Variants in CACNA1C observed in about 807,000 individuals in gnomAD.
CACNA1C encodes the protein voltage-dependent L-type calcium channel subunit alpha-1C.
Under a neutral mutation model 229.0 loss-of-function variants are expected in CACNA1C, and 30 were observed. The ratio of observed to expected loss-of-function variants is 0.13; its 90% CI spans 0.10 to 0.18. CACNA1C has a LOEUF of 0.18. Among genes scored for constraint, CACNA1C ranks in the 10% least tolerant of loss-of-function variants. The pLI is 1.00. For missense variants in CACNA1C, 1,658 were observed against 2,845.0 expected (o/e 0.58, Z 9.49); for synonymous variants, 1,114 against 1,132.5 (o/e 0.98, Z 0.33).
chr12:2,339,174 T>C (rs907158297), intron 3 of CACNA1C, among the ~76,000 whole-genome samples: 2 of 152,256 alleles, frequency 1.3e-5, no homozygotes, highest in Admixed American at 1.3e-4. Context: ...GCGTAGCCCA[T>C]CGTTCCTTGG....
At chr12:2,594,660 A>G (rs957695313) in intron 19 of CACNA1C, among the ~76,000 whole-genome samples, 3 of 152,212 alleles carry the variant, frequency 2.0e-5, no homozygotes, top group African/African-American at 7.2e-5. Context: ...AATATTTCCA[A>G]TACCTCCAGT....
chr12:2,435,339 G>A (rs1401667081), intron 3 of CACNA1C, among the ~76,000 whole-genome samples: 3 of 152,226 alleles, frequency 2.0e-5, no homozygotes, highest in African/African-American at 4.8e-5. Context: ...AATCTGTGTT[G>A]TAATTTGTCC....
chr12:2,338,949 A>G (rs1242842448), intron 3 of CACNA1C, among the ~76,000 whole-genome samples: 2 of 152,236 alleles, frequency 1.3e-5, no homozygotes, highest in Non-Finnish European at 2.9e-5. Context: ...ATTGTTTTAT[A>G]GGAAAAATGC....
In CACNA1C at chr12:2,056,051, C is replaced by G. The variant is rs111280980; in HGVS notation, c.49+2440C>G. On this transcript the variant is annotated intron_variant, in intron 1 of 46. Transcript: ENST00000399655. The stretch of plus-strand genomic sequence containing the variant: ...TGCCTCAGAAGATCAGTAATGGTGA[C>G]GAAACAAAGAGTCGAGAACCAAAAA... Among the ~76,000 whole-genome samples, 1,408 of 152,212 alleles carry G rather than the reference C, an allele frequency of 9.3e-3. 25 individuals carry two copies. The highest frequency in any genetic ancestry group is 0.031 in the African/African-American group (1,301 of 41,518).
At chr12:2,237,146 T>C (rs765441509) in intron 3 of CACNA1C, among the ~76,000 whole-genome samples, 2 of 152,238 alleles carry the variant, frequency 1.3e-5, no homozygotes, top group African/African-American at 2.4e-5. Flanking sequence ...CCTTATCACA[T>C]GGTGCCCTTG....
chr12:2,614,593 T>G (rs1481907836), intron 29 of CACNA1C: 1 of 152,240 alleles, frequency 6.6e-6, no homozygotes, highest in Non-Finnish European at 1.5e-5. Context: ...AACCATGACC[T>G]GAATCCATGA....
chr12:2,012,276 G>C (rs1333358994), intron 1 of CACNA1C, among the ~76,000 whole-genome samples: 1 of 152,036 alleles, frequency 6.6e-6, no homozygotes, highest in Non-Finnish European at 1.5e-5. Flanking sequence ...TTCCTTACCC[G>C]GTCCCTCAAG....
At chr12:2,106,675 G>A (rs71435032) in intron 1 of CACNA1C, among the ~76,000 whole-genome samples, 5,600 of 25,814 alleles carry the variant, frequency 0.22, 1,158 homozygotes, top group Non-Finnish European at 0.29. Flanking sequence ...CAGCTGGGGC[G>A]TCCTGAAGCC....
chr12:2,268,140 C>T (rs539018907), intron 3 of CACNA1C, among the ~76,000 whole-genome samples: 1 of 152,138 alleles, frequency 6.6e-6, no homozygotes, highest in Non-Finnish European at 1.5e-5. Flanking sequence ...CAAACCTTGA[C>T]TGGCTCCAAA....
chr12:2,022,034 C>T (rs1488718824), intron 1 of CACNA1C, among the ~76,000 whole-genome samples: 3 of 152,150 alleles, frequency 2.0e-5, no homozygotes, highest in African/African-American at 7.2e-5. Flanking sequence ...AATGGATTCC[C>T]AGCCAGGGCC....
chr12:2,293,740 A>T (rs2093735543), intron 3 of CACNA1C, among the ~76,000 whole-genome samples: 1 of 152,106 alleles, frequency 6.6e-6, no homozygotes, highest in African/African-American at 2.4e-5. Flanking sequence ...ATTCTTTTTC[A>T]TATGTATGTA....
At chr12:2,498,102 A>G (rs756964086) in intron 7 of CACNA1C, among the ~76,000 whole-genome samples, 3 of 151,936 alleles carry the variant, frequency 2.0e-5, no homozygotes, top group Non-Finnish European at 4.4e-5. Context: ...GTTTTACCCT[A>G]TTTTTGTCTA....
chr12:2,095,745 A>G (rs2073647417), intron 1 of CACNA1C, among the ~76,000 whole-genome samples: 1 of 152,202 alleles, frequency 6.6e-6, no homozygotes, highest in Non-Finnish European at 1.5e-5. Context: ...AGACGCCCAC[A>G]GAAGAGGAGA....
At chr12:2,450,264 T>C (rs2099348273) in intron 4 of CACNA1C, among the ~76,000 whole-genome samples, 1 of 152,124 alleles carries the variant, frequency 6.6e-6, no homozygotes, top group Non-Finnish European at 1.5e-5. Context: ...GTTATTAAAA[T>C]GCAGGTGAGG....
At position 2,504,669 on chromosome 12, in the gene CACNA1C, T is replaced by G; in HGVS notation, c.1114-173T>G. The G allele has an allele frequency of 1.3e-6, 1 of 765,106 alleles. No individual in the cohort carries two copies. Among genetic ancestry groups the G allele is most frequent in the Non-Finnish European group, 2.3e-6 (1 of 430,858 alleles). The allele number at this position is 765,106 out of a possible 1,614,324, so 47.4% of individuals were successfully genotyped here. A position where few individuals can be genotyped will look rare whatever the true frequency, so the allele number is the denominator to read the frequency against. ...CAGGAAAACCACAACAAAGCCTCTG[T>G]TCAACCACAGATTCTGACCCATTGG... On this transcript the variant is annotated intron_variant, in intron 7 of 46. Transcript: ENST00000399655. The surrounding 1 kb of genome is among the most constrained non-coding windows in gnomAD (Gnocchi z 6.8).
At chr12:2,159,062 A>T (rs1253113227) in intron 3 of CACNA1C, among the ~76,000 whole-genome samples, 2 of 152,234 alleles carry the variant, frequency 1.3e-5, no homozygotes, top group African/African-American at 4.8e-5. Flanking sequence ...TATTAAAAAT[A>T]TGGAATGGAA....
At chr12:2,610,778 G>A in intron 28 of CACNA1C, 79 bp downstream of exon 28, 1 of 1,451,902 alleles carries the variant, frequency 6.9e-7, no homozygotes, top group Non-Finnish European at 9.6e-7. Flanking sequence ...CGGAGCGGCA[G>A]GCAGCTCAGT....
intron 29 of CACNA1C, among the ~76,000 whole-genome samples, chr12:2,627,544 C>A (rs1350244180): frequency 6.6e-6 from 1 of 152,022 alleles, no homozygotes; most frequent in African/African-American, 2.4e-5. Flanking sequence ...GGCACAGCTC[C>A]CTCCCCCACA....
intron 1 of CACNA1C, among the ~76,000 whole-genome samples, chr12:2,041,537 A>C (rs1431470511): frequency 1.3e-5 from 2 of 151,956 alleles, no homozygotes; most frequent in Non-Finnish European, 2.9e-5. Context: ...CGGCCTCCCA[A>C]AGTGCTGGGA....
Sources: allele counts gnomAD v4.1 joint callset (sites outside exome capture counted in the v4.1 genomes callset), GRCh38; gene constraint gnomAD v4.1.1; non-coding constraint Gnocchi (gnomAD v3.1); transcripts MANE v1.5; gene names NCBI Gene and HGNC (gene_info 2026-07-23, HGNC 2026-07-21).